The following SRPK2 variants were observed in gnomAD, a reference collection of about 807,000 sequenced individuals.
SRPK2 encodes SRSF protein kinase 2.
A neutral mutation model predicts 90.8 loss-of-function variants in SRPK2; 21 were observed. The observed-to-expected ratio is 0.23, with a 90% CI of 0.16 to 0.33. SRPK2 has a LOEUF of 0.33. Ranked by LOEUF, SRPK2 falls within the 10% of genes least tolerant of loss-of-function variation. SRPK2 has a pLI of 1.00. For missense variants in SRPK2, 620 were observed against 869.0 expected (o/e 0.71, Z 3.60); for synonymous variants, 288 against 311.1 (o/e 0.93, Z 0.78).
At chr7:105,369,161 A>ATTC (rs1554524862) in intron 2 of SRPK2, among the ~76,000 whole-genome samples, 1 of 119,352 alleles carries the variant, frequency 8.4e-6, no homozygotes, top group Non-Finnish European at 1.9e-5. Flanking sequence ...TATTATTATT[A>ATTC]TTCGAGATAG....
intron 2 of SRPK2, among the ~76,000 whole-genome samples, chr7:105,387,978 C>A (rs556053144): frequency 1.3e-5 from 2 of 152,284 alleles, no homozygotes; most frequent in South Asian, 4.1e-4. Context: ...AGCCCGCGAC[C>A]CCGGCGCCCG....
intron 3 of SRPK2, among the ~76,000 whole-genome samples, chr7:105,179,781 C>T (rs542107329): frequency 2.3e-5 from 3 of 128,118 alleles, no homozygotes; most frequent in Non-Finnish European, 3.1e-5. Context: ...GCTGAGATTG[C>T]GCCATTGCAC....
At chr7:105,183,450 C>T (rs777263825) in intron 3 of SRPK2, among the ~76,000 whole-genome samples, 3 of 152,034 alleles carry the variant, frequency 2.0e-5, no homozygotes, top group African/African-American at 4.8e-5. Context: ...CATATCAGAT[C>T]GTAAATGGCT....
At chr7:105,136,203 A>G (rs1326473306) in intron 11 of SRPK2, among the ~76,000 whole-genome samples, 5 of 152,234 alleles carry the variant, frequency 3.3e-5, no homozygotes, top group Non-Finnish European at 7.3e-5. Context: ...AAATGATGCT[A>G]GGTAATGTAT....
Position 105,142,219 on chromosome 7 carries a change from T to C in SRPK2, c.1332A>G (p.Gln444=), listed in dbSNP as rs778538634. Residue 444 remains glutamine (Q), a synonymous_variant, in exon 11 of 16, where the codon CAA becomes CAG. Coordinates refer to ENST00000393651, the MANE Select transcript of SRPK2 (RefSeq NM_182692.3). ...GTCCATTTGGCAATTCACCATTGAATTGTTCATAGGAGCTGCTATATGTGT... is the reference window on the plus strand; with the variant it reads ...GTCCATTTGGCAATTCACCATTGAACTGTTCATAGGAGCTGCTATATGTGT... ...SDYTYSSSYE[Q]FNGELPNGRH... is the part of the protein sequence containing the mutation. The C allele has an allele frequency of 3.1e-6, 5 of 1,613,984 alleles. No homozygotes were observed. Among genetic ancestry groups the C allele is most frequent in the African/African-American group, 2.7e-5 (2 of 74,934 alleles).
At chr7:105,170,790 A>AAGGAAGGAAGGAAGGAAGGAAGGAC (rs1554435316) in intron 3 of SRPK2, among the ~76,000 whole-genome samples, 2 of 70,378 alleles carry the variant, frequency 2.8e-5, no homozygotes, top group African/African-American at 6.9e-5. Flanking sequence ...GACGGGAGGG[A>AAGGAAGGAAGGAAGGAAGGAAGGAC]GGGAGGGAGG....
At chr7:105,226,457 A>G (rs1450064902) in intron 2 of SRPK2, among the ~76,000 whole-genome samples, 1 of 151,970 alleles carries the variant, frequency 6.6e-6, no homozygotes, top group Admixed American at 6.5e-5. Context: ...TACCTGGCTA[A>G]CTTTAGTATT....
chr7:105,276,025 T>C (rs745308663), intron 2 of SRPK2, among the ~76,000 whole-genome samples: 1 of 152,212 alleles, frequency 6.6e-6, no homozygotes, highest in Admixed American at 6.5e-5. Context: ...CCAAATTCTT[T>C]ACATAATCAT....
chr7:105,323,774 C>T (rs1813206012), intron 2 of SRPK2, among the ~76,000 whole-genome samples: 1 of 152,114 alleles, frequency 6.6e-6, no homozygotes, highest in African/African-American at 2.4e-5. Flanking sequence ...ACATAATCAA[C>T]ACTGTAAGAA....
intron 2 of SRPK2, among the ~76,000 whole-genome samples, chr7:105,331,767 C>T (rs1460446945): frequency 6.6e-6 from 1 of 152,056 alleles, no homozygotes; most frequent in Non-Finnish European, 1.5e-5. Flanking sequence ...GAGGAAAAGA[C>T]ACATATCTCC....
chr7:105,210,501 GATA>G (rs945263328), intron 2 of SRPK2, among the ~76,000 whole-genome samples: 7 of 152,146 alleles, frequency 4.6e-5, no homozygotes, highest in East Asian at 1.9e-4. Context: ...CTTGGGACCA[GATA>G]ATGTTTCGAA....
At chr7:105,151,163 A>C (rs1306729710) in intron 7 of SRPK2, among the ~76,000 whole-genome samples, 1 of 152,228 alleles carries the variant, frequency 6.6e-6, no homozygotes, top group African/African-American at 2.4e-5. Flanking sequence ...ATGGGCAATA[A>C]ACACAAGAAA....
intron 3 of SRPK2, among the ~76,000 whole-genome samples, chr7:105,174,166 T>G (rs1791532368): frequency 6.6e-6 from 1 of 152,046 alleles, no homozygotes; most frequent in Non-Finnish European, 1.5e-5. Flanking sequence ...TTCATTGCTC[T>G]GGTTTCTTCT....
chr7:105,143,685 AAG>A, intron 9 of SRPK2: 1 of 236,336 alleles, frequency 4.2e-6, no homozygotes, highest in Non-Finnish European at 8.3e-6. Context: ...TCTATATACA[AAG>A]TAACAACATC....
rs78079966 is a variant in SRPK2, at chr7:105,149,798, A to G, written c.622-3140T>C. On this transcript the variant is annotated intron_variant, in intron 7 of 15. Coordinates refer to ENST00000393651, the MANE Select transcript of SRPK2 (RefSeq NM_182692.3). ...AAGTGAGAGGGAACAAAGATTTTAC[A>G]AGGAAAATGAAAACAGGAATACCTC... Among the ~76,000 whole-genome samples, 240 of 152,312 alleles carry G rather than the reference A, an allele frequency of 1.6e-3. 4 individuals carry two copies. The East Asian group carries it at 0.025, about 16-fold the overall frequency.
In SRPK2 at chr7:105,203,716, A is replaced by AGGTGGCGGTGGTGGTGGT. The variant is rs1795844818; in HGVS notation, c.123_140dup (p.Pro42_Pro47dup). ...GCTCCGGGGGTGTGGGGTCTGGCAA[A>AGGTGGCGGTGGTGGTGGT]GGTGGCGGTGGTGGTGGTGGTGGCG... On this transcript the variant is annotated inframe_insertion, in exon 3 of 16. Transcript: ENST00000393651. 2.1e-6 allele frequency: 3 copies of AGGTGGCGGTGGTGGTGGT among 1,419,288 alleles called. No homozygotes were observed. The highest frequency in any genetic ancestry group is 1.2e-5 in the South Asian group (1 of 85,996). The allele number at this position is 1,419,288 out of a possible 1,614,324, so 87.9% of individuals were successfully genotyped here. A position where few individuals can be genotyped will look rare whatever the true frequency, so the allele number is the denominator to read the frequency against.
At chr7:105,224,719 T>C (rs1186226735) in intron 2 of SRPK2, among the ~76,000 whole-genome samples, 1 of 152,236 alleles carries the variant, frequency 6.6e-6, no homozygotes, top group East Asian at 1.9e-4. Flanking sequence ...TCATCTTCCA[T>C]TTTAAAACAC....
chr7:105,298,964 C>G (rs76867620), intron 2 of SRPK2, among the ~76,000 whole-genome samples: 2,210 of 152,320 alleles, frequency 0.015, 23 homozygotes, highest in South Asian at 0.027. Context: ...CTACATCCCA[C>G]TTTCACCACC....
In SRPK2 at chr7:105,116,858, G is replaced by A. The variant is rs147128823; in HGVS notation, c.*980C>T. 7.2e-5 allele frequency: 11 copies of A among 152,264 alleles called. No homozygotes were observed. In the East Asian group the frequency reaches 2.1e-3, roughly 29 times the overall value. The allele number at this position is 152,264 out of a possible 1,614,324, so 9.4% of individuals were successfully genotyped here. On this transcript the variant is annotated 3_prime_UTR_variant, in exon 16 of 16. Transcript: ENST00000393651. ...TATTCTGCCCACTGCACTGCAAATTGTATATACCATACCTTGTGTTCTAGA... is the reference window on the plus strand; with the variant it reads ...TATTCTGCCCACTGCACTGCAAATTATATATACCATACCTTGTGTTCTAGA...
Sources: gnomAD v4.1 joint callset for allele counts (sites outside exome capture counted in the v4.1 genomes callset) on GRCh38, gnomAD v4.1.1 for gene constraint, MANE v1.5 for transcripts, NCBI Gene and HGNC (gene_info 2026-07-23, HGNC 2026-07-21) for gene names.